Variants in LRRC4C observed in about 807,000 individuals in gnomAD.
LRRC4C encodes the protein leucine rich repeat containing 4C.
Under a neutral mutation model 33.6 loss-of-function variants are expected in LRRC4C, and 5 were observed. That is an observed-to-expected ratio of 0.15 (90% CI 0.08 to 0.31). The LOEUF is 0.31. Among genes scored for constraint, LRRC4C ranks in the 10% least tolerant of loss-of-function variants. The probability of loss-of-function intolerance (pLI) is 1.00; values close to 1 mark genes in which losing one functional copy is unlikely to be tolerated. For synonymous variants in LRRC4C, 329 were observed against 302.0 expected, an observed-to-expected ratio of 1.09 and a Z score of -0.93; for missense variants, 560 against 796.7, an observed-to-expected ratio of 0.70 and a Z score of 3.58.
chr11:40,269,651 G>A (rs78741790), intron 4 of LRRC4C, among the ~76,000 whole-genome samples: 3 of 151,896 alleles, frequency 2.0e-5, no homozygotes, highest in African/African-American at 7.3e-5. Flanking sequence ...AGTTTAACCT[G>A]AGTTCTGTTT....
chr11:40,681,398 A>G (rs1246027913), intron 2 of LRRC4C, among the ~76,000 whole-genome samples: 1 of 152,214 alleles, frequency 6.6e-6, no homozygotes, highest in Non-Finnish European at 1.5e-5. Flanking sequence ...GTGTGTTTTC[A>G]TTTGTTGTAC....
At chr11:40,511,804 G>A (rs1055070041) in intron 3 of LRRC4C, among the ~76,000 whole-genome samples, 6 of 152,136 alleles carry the variant, frequency 3.9e-5, no homozygotes, top group Admixed American at 3.3e-4. Flanking sequence ...TATTGGGAGA[G>A]TGGGCTATAT....
chr11:40,713,952 A>G (rs1157284369), intron 2 of LRRC4C, among the ~76,000 whole-genome samples: 2 of 152,200 alleles, frequency 1.3e-5, no homozygotes, highest in Admixed American at 6.5e-5. Context: ...GAATTACAGA[A>G]TATAACCTCA....
At chr11:41,172,685 G>A (rs1056321209) in intron 1 of LRRC4C, among the ~76,000 whole-genome samples, 7 of 151,918 alleles carry the variant, frequency 4.6e-5, no homozygotes, top group African/African-American at 4.8e-5. Context: ...GCTAAACATC[G>A]TGCCTATGGG....
chr11:41,349,687 C>A (rs1951912000), intron 1 of LRRC4C, among the ~76,000 whole-genome samples: 1 of 152,106 alleles, frequency 6.6e-6, no homozygotes, highest in Admixed American at 6.5e-5. Context: ...CAACTTCACA[C>A]ATTAAAGGAA....
At chr11:40,564,777 T>C (rs1475820993) in intron 3 of LRRC4C, among the ~76,000 whole-genome samples, 3 of 152,190 alleles carry the variant, frequency 2.0e-5, no homozygotes, top group African/African-American at 7.2e-5. Flanking sequence ...AACTATGAGC[T>C]GCTGTCAAGA....
intron 1 of LRRC4C, among the ~76,000 whole-genome samples, chr11:41,110,958 G>A (rs983735669): frequency 5.3e-5 from 8 of 151,314 alleles, no homozygotes; most frequent in African/African-American, 2.0e-4. Flanking sequence ...GATTCAATAT[G>A]TCTGAGTTGT....
intron 1 of LRRC4C, among the ~76,000 whole-genome samples, chr11:40,972,496 G>A (rs2137004759): frequency 6.6e-6 from 1 of 152,180 alleles, no homozygotes; most frequent in South Asian, 2.1e-4. Flanking sequence ...AAATGATATG[G>A]CTAGTGTATT....
At chr11:41,344,509 C>T (rs939521245) in intron 1 of LRRC4C, among the ~76,000 whole-genome samples, 5 of 152,134 alleles carry the variant, frequency 3.3e-5, no homozygotes, top group Middle Eastern at 3.2e-3. Context: ...CGTGAGCCAC[C>T]GCGCCCGGCC....
intron 1 of LRRC4C, among the ~76,000 whole-genome samples, chr11:41,075,027 T>TTTTATTTTTTTA (rs1939023266): frequency 2.3e-4 from 24 of 102,968 alleles, no homozygotes; most frequent in Admixed American, 1.0e-3. Context: ...TTTTTTTTTT[T>TTTTATTTTTTTA]TTTTTTTTTA....
chr11:41,385,804 C>A (rs1286215624), intron 1 of LRRC4C, among the ~76,000 whole-genome samples: 1 of 151,502 alleles, frequency 6.6e-6, no homozygotes, highest in Non-Finnish European at 1.5e-5. Context: ...AGTTACCCTG[C>A]AGGACAACAA....
intron 1 of LRRC4C, among the ~76,000 whole-genome samples, chr11:41,410,482 G>C (rs148562155): frequency 1.4e-5 from 2 of 145,584 alleles, no homozygotes; most frequent in Non-Finnish European, 3.0e-5. Context: ...CGCTATCTCC[G>C]CTCCCGGGTT....
intron 2 of LRRC4C, among the ~76,000 whole-genome samples, chr11:40,696,006 G>A (rs925297106): frequency 6.8e-6 from 1 of 147,512 alleles, no homozygotes; most frequent in African/African-American, 2.5e-5. Flanking sequence ...TGTACATGTA[G>A]TATATATATA....
chr11:40,948,222 T>C (rs1958500816), intron 1 of LRRC4C, among the ~76,000 whole-genome samples: 1 of 152,150 alleles, frequency 6.6e-6, no homozygotes, highest in African/African-American at 2.4e-5. Flanking sequence ...CTTCATATTT[T>C]TGGACAAACT....
chr11:41,415,616 A>G (rs544302584), intron 1 of LRRC4C, among the ~76,000 whole-genome samples: 1 of 152,112 alleles, frequency 6.6e-6, no homozygotes, highest in Non-Finnish European at 1.5e-5. Flanking sequence ...ATGGATGGGT[A>G]AAAGCCTCGA....
At chr11:41,304,924 G>C (rs1246606404) in intron 1 of LRRC4C, among the ~76,000 whole-genome samples, 1 of 105,944 alleles carries the variant, frequency 9.4e-6, no homozygotes, top group Non-Finnish European at 2.0e-5. Context: ...GTGGGGGGGG[G>C]TCAGCCCACC....
At chr11:41,295,154 A>C (rs1950102408) in intron 1 of LRRC4C, among the ~76,000 whole-genome samples, 1 of 152,200 alleles carries the variant, frequency 6.6e-6, no homozygotes. Context: ...ATAGTGGAAA[A>C]TTGGAACCAA....
At chr11:40,163,321 C>T (rs1405079241) in intron 5 of LRRC4C, among the ~76,000 whole-genome samples, 1 of 152,170 alleles carries the variant, frequency 6.6e-6, no homozygotes, top group Non-Finnish European at 1.5e-5. Flanking sequence ...GCCTGTCTTT[C>T]AGAGGGTTTA....
At chr11:41,279,802 C>G (rs1949606756) in intron 1 of LRRC4C, among the ~76,000 whole-genome samples, 2 of 152,044 alleles carry the variant, frequency 1.3e-5, no homozygotes, top group Admixed American at 1.3e-4. Context: ...GAATGAGTAC[C>G]ATATCCCTGC....
Sources: gnomAD v4.1 joint callset for allele counts (sites outside exome capture counted in the v4.1 genomes callset) on GRCh38, gnomAD v4.1.1 for gene constraint, MANE v1.5 for transcripts, NCBI Gene and HGNC (gene_info 2026-07-23, HGNC 2026-07-21) for gene names.